The following UTP25 variants were observed in gnomAD, a reference collection of about 807,000 sequenced individuals.
UTP25 encodes UTP25 small subunit processome component, also known as U3 small nucleolar RNA-associated protein 25 homolog.
A neutral mutation model predicts 78.9 loss-of-function variants in UTP25; 50 were observed. That is an observed-to-expected ratio of 0.63 (90% CI 0.50 to 0.80). UTP25 has a LOEUF of 0.80. UTP25 is among the 30% of genes least tolerant of loss of function. The pLI is 0.00. For synonymous variants in UTP25, 329 were observed against 336.5 expected, an observed-to-expected ratio of 0.98 and a Z score of 0.24; for missense variants, 846 against 911.3, an observed-to-expected ratio of 0.93 and a Z score of 0.92.
intron 11 of UTP25, among the ~76,000 whole-genome samples, chr1:209,849,903 C>T (rs1025487386): frequency 1.3e-5 from 2 of 152,184 alleles, no homozygotes; most frequent in African/African-American, 4.8e-5. Context: ...GAACTCAGTC[C>T]ATGGTGAGCT....
At chr1:209,850,511 T>C (rs1368814456) in intron 11 of UTP25, among the ~76,000 whole-genome samples, 1 of 152,250 alleles carries the variant, frequency 6.6e-6, no homozygotes, top group East Asian at 1.9e-4. Flanking sequence ...TCTTTTGTTA[T>C]GGAATCCCAC....
At chr1:209,828,196 C>T in intron 1 of UTP25, 26 bp downstream of exon 1, 1 of 1,570,564 alleles carries the variant, frequency 6.4e-7, no homozygotes, top group Admixed American at 1.7e-5. Context: ...GCAGGGCTCC[C>T]CAGTCGCCAG....
intron 11 of UTP25, among the ~76,000 whole-genome samples, chr1:209,848,243 A>T (rs2078209417): frequency 6.6e-6 from 1 of 152,228 alleles, no homozygotes. Context: ...ATATCTTTTG[A>T]TAAGAATTCT....
Position 209,851,495 on chromosome 1 carries a change from A to G in UTP25, c.*48A>G. The G allele has an allele frequency of 1.9e-6, 3 of 1,541,794 alleles. No homozygotes were observed. Among genetic ancestry groups the G allele is most frequent in the Non-Finnish European group, 2.6e-6 (3 of 1,145,536 alleles). ...TATTTGGCATGATACATAATGTTTG[A>G]TTCTATGCCATTTGGACCCAATTCT... On this transcript the variant is annotated 3_prime_UTR_variant, in exon 12 of 12. Coordinates refer to ENST00000491415, the MANE Select transcript of UTP25 (RefSeq NM_014388.7).
At chr1:209,837,699 A>G (rs949343040) in intron 6 of UTP25, among the ~76,000 whole-genome samples, 4 of 152,238 alleles carry the variant, frequency 2.6e-5, no homozygotes, top group African/African-American at 9.6e-5. Context: ...TCAGCCTTTG[A>G]AAGCAAAAAT....
intron 11 of UTP25, among the ~76,000 whole-genome samples, chr1:209,845,169 A>G (rs2078190941): frequency 6.6e-6 from 1 of 152,350 alleles, no homozygotes; most frequent in African/African-American, 2.4e-5. Flanking sequence ...CTGGCATGGC[A>G]TGACCTCTTA....
At chr1:209,830,729 G>A in intron 2 of UTP25, 74 bp from the exon 3 acceptor site, 1 of 1,533,554 alleles carries the variant, frequency 6.5e-7, no homozygotes, top group African/African-American at 1.4e-5. Flanking sequence ...AATAGATGTT[G>A]GCTTGATGAT....
Position 209,857,060 on chromosome 1 carries a change from A to G in UTP25, c.*5613A>G, listed in dbSNP as rs2078282657. On this transcript the variant is annotated 3_prime_UTR_variant, in exon 12 of 12. Coordinates refer to ENST00000491415, the MANE Select transcript of UTP25 (RefSeq NM_014388.7). ...AGAAACTTACAGGTCTTGTGATCTA[A>G]TCTGCCACTTGATCCGTGAATTACC... 1 of 152,146 alleles carries G rather than the reference A, an allele frequency of 6.6e-6. No individual in the cohort carries two copies. Among genetic ancestry groups the G allele is most frequent in the Admixed American group, 6.5e-5 (1 of 15,278 alleles). 9.4% of individuals were successfully genotyped at this position (152,146 alleles called of 1,614,324 possible).
At position 209,848,741 on chromosome 1, in the gene UTP25, C is replaced by T. The variant is rs7550225; in HGVS notation, c.2028-2463C>T. ...AGCTCCATAGACTGAATTATTGCTA[C>T]TGATGTGATAGTCAAAATGATACCT... On this transcript the variant is annotated intron_variant, in intron 11 of 11. Coordinates refer to ENST00000491415, the MANE Select transcript of UTP25 (RefSeq NM_014388.7). Among the ~76,000 whole-genome samples, 680 of 152,304 alleles carry T rather than the reference C, an allele frequency of 4.5e-3. 4 individuals are homozygous for T. The highest frequency in any genetic ancestry group is 0.016 in the African/African-American group (646 of 41,556).
chr1:209,842,156 A>G, intron 8 of UTP25, 109 bp from the exon 9 acceptor site: 1 of 1,155,126 alleles, frequency 8.7e-7, no homozygotes, highest in Non-Finnish European at 1.2e-6. Flanking sequence ...TCTTGTTATA[A>G]TTTAGGAGAT....
chr1:209,842,436 A>C lies in UTP25; in HGVS notation c.1657A>C (p.Met553Leu), dbSNP rs1378339832. 1 of 1,614,046 alleles carries C rather than the reference A, an allele frequency of 6.2e-7. No homozygotes were observed. The highest frequency in any genetic ancestry group is 8.5e-7 in the Non-Finnish European group (1 of 1,180,002). Residue 553 changes from methionine (M) to leucine (L), a missense_variant, in exon 9 of 12, where the codon ATG becomes CTG. Coordinates refer to ENST00000491415, the MANE Select transcript of UTP25 (RefSeq NM_014388.7). ...NSVFNKYCVN[M>L]QGQVAVRNVP... ...AGTGTTCAACAAGTACTGTGTCAAC[A>C]TGCAAGGCCAGGTGGGTTCTCGTCT...
chr1:209,832,429 C>A (rs922618327), intron 3 of UTP25, among the ~76,000 whole-genome samples: 6 of 152,154 alleles, frequency 3.9e-5, no homozygotes, highest in Admixed American at 6.5e-5. Context: ...CATTGATAGA[C>A]CCTTTTTCCC....
chr1:209,828,461 G>A (rs2078082994), intron 1 of UTP25, among the ~76,000 whole-genome samples: 1 of 148,686 alleles, frequency 6.7e-6, no homozygotes, highest in African/African-American at 2.5e-5. Flanking sequence ...GTGCAATGGC[G>A]CGATCTTGGC....
chr1:209,844,632 C>CAAAAAAAAAAAA (rs66685915), intron 11 of UTP25: 1 of 89,732 alleles, frequency 1.1e-5, no homozygotes, highest in Non-Finnish European at 2.2e-5. Flanking sequence ...AACTCCATCT[C>CAAAAAAAAAAAA]AAAAAAAAAA....
chr1:209,831,427 G>A (rs2078102955), intron 3 of UTP25, among the ~76,000 whole-genome samples: 1 of 152,176 alleles, frequency 6.6e-6, no homozygotes. Flanking sequence ...ATTTCAAACA[G>A]TAGATTTGCG....
rs980439790 is a variant in UTP25 at position 209,828,181 on chromosome 1, G to T, written c.107+11G>T. 1 of 1,597,724 alleles carries T rather than the reference G, an allele frequency of 6.3e-7. No homozygotes were observed. Among genetic ancestry groups the T allele is most frequent in the East Asian group, 2.2e-5 (1 of 44,736 alleles). On this transcript the variant is annotated intron_variant, in intron 1 of 11. Coordinates refer to ENST00000491415, the MANE Select transcript of UTP25 (RefSeq NM_014388.7). ...TCCCTTCTATGACAGGTCTGAAGGG[G>T]CGTGGCAGGGCTCCCCAGTCGCCAG...
Position 209,851,373 on chromosome 1 carries a change from G to A in UTP25, c.2197G>A (p.Val733Ile). 1.2e-6 allele frequency: 2 copies of A among 1,614,230 alleles called. No homozygotes were observed. Among genetic ancestry groups the A allele is most frequent in the South Asian group, 1.1e-5 (1 of 91,082 alleles). Residue 733 changes from valine to isoleucine, a missense_variant, in exon 12 of 12, where the codon GTT (valine) becomes ATT (isoleucine). Physicochemically the swap from Val to Ile is conservative, Grantham distance 29. Coordinates refer to ENST00000491415, the MANE Select transcript of UTP25 (RefSeq NM_014388.7). ...KYDAQRLAAV[V>I]GVERAAQMLQ... is the part of the protein sequence containing the mutation. ...TGATGCCCAGAGGTTAGCTGCCGTG[G>A]TTGGTGTGGAGCGGGCGGCACAGAT...
rs867110850 is a variant in UTP25 at position 209,852,812 on chromosome 1, T to G, written c.*1365T>G. ...TGCACACACATATGTACACACGTTG[T>G]CTAAATTTGCTTCACATTAATATCT... On this transcript the variant is annotated 3_prime_UTR_variant, in exon 12 of 12. Transcript: ENST00000491415. The G allele has an allele frequency of 6.6e-6, 1 of 152,218 alleles. No homozygotes were observed. The highest frequency in any genetic ancestry group is 1.5e-5 in the Non-Finnish European group (1 of 68,040). 9.4% of individuals were successfully genotyped at this position (152,218 alleles called of 1,614,324 possible).
At chr1:209,843,878 C>T in intron 11 of UTP25, 182 bp downstream of exon 11, 1 of 779,190 alleles carries the variant, frequency 1.3e-6, no homozygotes, top group Non-Finnish European at 2.0e-6. Context: ...AGTTGGTTTT[C>T]TCCCAAAATG....
Sources: gnomAD v4.1 joint callset for allele counts (sites outside exome capture counted in the v4.1 genomes callset) on GRCh38, gnomAD v4.1.1 for gene constraint, MANE v1.5 for transcripts, NCBI Gene and HGNC (gene_info 2026-07-23, HGNC 2026-07-21) for gene names.